CLMN: variants seen among roughly 807,000 people sequenced by gnomAD.
CLMN encodes the protein calmin, also known as calmin (calponin-like, transmembrane).
CLMN carries 57 observed loss-of-function variants against 92.7 expected under a neutral mutation model. The ratio of observed to expected loss-of-function variants is 0.61; its 90% CI spans 0.50 to 0.77. The LOEUF (loss-of-function observed/expected upper bound fraction) is 0.77, where lower values mean the gene tolerates loss of function less well. Among genes scored for constraint, CLMN ranks in the 30% least tolerant of loss-of-function variants. The pLI, the probability that CLMN is intolerant of heterozygous loss-of-function variation, is 0.00. For missense variants in CLMN, 1,158 were observed against 1,237.5 expected (o/e 0.94, Z 0.96); for synonymous variants, 466 against 470.6 (o/e 0.99, Z 0.13).
chr14:95,286,736 C>A (rs2140750572), intron 1 of CLMN, among the ~76,000 whole-genome samples: 1 of 152,266 alleles, frequency 6.6e-6, no homozygotes, highest in Admixed American at 6.5e-5. Context: ...CAAGAGTCTG[C>A]AGGGAGGGGA....
chr14:95,297,811 G>GCGCACA (rs1399378500), intron 1 of CLMN, among the ~76,000 whole-genome samples: 15 of 145,022 alleles, frequency 1.0e-4, no homozygotes, highest in Non-Finnish European at 1.4e-4. Context: ...AATATGGCAG[G>GCGCACA]CACACACACA....
chr14:95,300,562 G>C (rs1305966822), intron 1 of CLMN, among the ~76,000 whole-genome samples: 1 of 152,218 alleles, frequency 6.6e-6, no homozygotes, highest in African/African-American at 2.4e-5. Context: ...CAGGGCAATA[G>C]AGCATGTCCA....
chr14:95,257,652 C>T (rs573378465), intron 1 of CLMN, among the ~76,000 whole-genome samples: 1 of 152,220 alleles, frequency 6.6e-6, no homozygotes, highest in Non-Finnish European at 1.5e-5. Flanking sequence ...TTGCAGCCTG[C>T]CTCTTTGCTC....
intron 4 of CLMN, among the ~76,000 whole-genome samples, chr14:95,217,897 A>C (rs1897403478): frequency 6.6e-6 from 1 of 152,240 alleles, no homozygotes; most frequent in Admixed American, 6.5e-5. Flanking sequence ...TGAGGTGCCC[A>C]GTTCCCTCAG....
Position 95,203,182 on chromosome 14 carries a change from G to C in CLMN, c.2167C>G (p.Pro723Ala). The part of the protein sequence containing the change: ...SPPLSKVSVI[P>A]HDLFYFPHYE... ...TGTGGGAAATAGAAGAGGTCGTGGG[G>C]AATGACGGAAACCTTTGAGAGGGGT... The change falls in exon 9 of 13, where the codon CCC becomes GCC. Residue 723 changes from proline to alanine, a missense_variant. By Grantham distance (27) the Pro-to-Ala change is conservative. Coordinates refer to ENST00000298912, the MANE Select transcript of CLMN (RefSeq NM_024734.4). The C allele has an allele frequency of 1.2e-6, 2 of 1,613,020 alleles. No individual in the cohort carries two copies. Among genetic ancestry groups the C allele is most frequent in the South Asian group, 2.2e-5 (2 of 91,080 alleles).
At chr14:95,213,464 C>A in intron 5 of CLMN, 55 bp from the exon 6 acceptor site, 1 of 1,524,742 alleles carries the variant, frequency 6.6e-7, no homozygotes, top group Non-Finnish European at 8.8e-7. Flanking sequence ...TCTCAGCAAG[C>A]CCCTTGTCTG....
intron 1 of CLMN, among the ~76,000 whole-genome samples, chr14:95,301,783 C>T (rs1041240776): frequency 6.6e-6 from 1 of 152,218 alleles, no homozygotes; most frequent in African/African-American, 2.4e-5. Flanking sequence ...AGGAAACTTT[C>T]CTGGATCACT....
At chr14:95,197,285 G>C (rs1896743664) in intron 9 of CLMN, among the ~76,000 whole-genome samples, 1 of 149,132 alleles carries the variant, frequency 6.7e-6, no homozygotes, top group East Asian at 2.0e-4. Context: ...GGAGGAAGAA[G>C]GAGAAGGAGG....
chr14:95,292,057 C>T (rs1900589190), intron 1 of CLMN, among the ~76,000 whole-genome samples: 1 of 152,222 alleles, frequency 6.6e-6, no homozygotes, highest in African/African-American at 2.4e-5. Flanking sequence ...CACTGCAAGC[C>T]CGAGAGGAAG....
intron 1 of CLMN, among the ~76,000 whole-genome samples, chr14:95,238,141 G>C (rs1898119330): frequency 1.3e-5 from 2 of 152,136 alleles, no homozygotes; most frequent in Non-Finnish European, 2.9e-5. Flanking sequence ...CCCCAACGCT[G>C]CCGACTCCCA....
At chr14:95,317,506 A>T (rs1267797711) in intron 1 of CLMN, among the ~76,000 whole-genome samples, 1 of 152,050 alleles carries the variant, frequency 6.6e-6, no homozygotes, top group Non-Finnish European at 1.5e-5. Context: ...ATCATCAAAC[A>T]GCGGGGCATC....
intron 9 of CLMN, among the ~76,000 whole-genome samples, chr14:95,199,802 T>C (rs932918989): frequency 6.6e-6 from 1 of 150,962 alleles, no homozygotes; most frequent in Non-Finnish European, 1.5e-5. Flanking sequence ...CTTGCCCAGA[T>C]GGTGGGACCA....
At chr14:95,204,834 A>G (rs1187617) in intron 8 of CLMN, among the ~76,000 whole-genome samples, 43,503 of 152,108 alleles carry the variant, frequency 0.29, 7,784 homozygotes, top group African/African-American at 0.5. Context: ...CATGTTGCCT[A>G]GTCTGGGTAT....
At chr14:95,273,998 C>A (rs917760716) in intron 1 of CLMN, among the ~76,000 whole-genome samples, 2 of 152,210 alleles carry the variant, frequency 1.3e-5, no homozygotes, top group Non-Finnish European at 1.5e-5. Flanking sequence ...AACCTGGCAT[C>A]CCCTTCGGTT....
intron 1 of CLMN, among the ~76,000 whole-genome samples, chr14:95,249,043 G>GA (rs1196812169): frequency 6.6e-6 from 1 of 151,698 alleles, no homozygotes; most frequent in Non-Finnish European, 1.5e-5. Context: ...GAACAAAATT[G>GA]AAAATTACAA....
intron 1 of CLMN, among the ~76,000 whole-genome samples, chr14:95,273,275 G>A (rs764591655): frequency 2.6e-4 from 40 of 152,158 alleles, no homozygotes; most frequent in Non-Finnish European, 4.0e-4. Flanking sequence ...GCCCAGGACC[G>A]CTCTGGGGAG....
chr14:95,259,212 A>C lies in CLMN; in HGVS notation c.83-29079T>G, dbSNP rs903335168. ...TGCCGGCCAGCAGGGCTAGGAAAGC[A>C]GTGGGCCGGCCTCCTAGTGTCAGAG... On this transcript the variant is annotated intron_variant, in intron 1 of 12. Coordinates refer to ENST00000298912, the MANE Select transcript of CLMN (RefSeq NM_024734.4). The surrounding 1 kb of genome is among the most constrained non-coding windows in gnomAD (Gnocchi z 4.3). Among the ~76,000 whole-genome samples, 1 of 152,070 alleles carries C rather than the reference A, an allele frequency of 6.6e-6. No individual in the cohort carries two copies. The highest frequency in any genetic ancestry group is 1.5e-5 in the Non-Finnish European group (1 of 67,986).
chr14:95,245,235 ATAT>A (rs1246590306), intron 1 of CLMN, among the ~76,000 whole-genome samples: 10 of 40,438 alleles, frequency 2.5e-4, no homozygotes, highest in African/African-American at 1.2e-3. Context: ...TTATATATAT[ATAT>A]TATATATATA....
rs1345619312 is a variant in CLMN, at chr14:95,203,948, C to G, written c.1401G>C (p.Glu467Asp). Reference protein sequence around the residue: ...LRQDGHVLAVEVAEEKEQKQE... With the variant: ...LRQDGHVLAVDVAEEKEQKQE... ...GTTTCTGTTCCTTTTCCTCAGCAACCTCAACTGCCAAGACATGTCCATCCT... is the reference window on the plus strand; with the variant it reads ...GTTTCTGTTCCTTTTCCTCAGCAACGTCAACTGCCAAGACATGTCCATCCT... The change falls in exon 9 of 13, where the codon GAG (glutamate) becomes GAC (aspartate). Residue 467 changes from glutamate (E) to aspartate (D), a missense_variant. By Grantham distance (45) the Glu-to-Asp change is conservative. Coordinates refer to ENST00000298912, the MANE Select transcript of CLMN (RefSeq NM_024734.4). 3 of 1,614,158 alleles carry G rather than the reference C, an allele frequency of 1.9e-6. No individual in the cohort carries two copies. Among genetic ancestry groups the G allele is most frequent in the Middle Eastern group, 1.6e-4 (1 of 6,062 alleles).
Sources: gnomAD v4.1 joint callset for allele counts (sites outside exome capture counted in the v4.1 genomes callset) on GRCh38, gnomAD v4.1.1 for gene constraint, Gnocchi (gnomAD v3.1) non-coding constraint, MANE v1.5 for transcripts, NCBI Gene and HGNC (gene_info 2026-07-23, HGNC 2026-07-21) for gene names.